CLCN3: variants seen among roughly 807,000 people sequenced by gnomAD.
The protein encoded by CLCN3 is Cl-/H+ antiporter 3, also known as H(+)/Cl(-) exchange transporter 3.
A neutral mutation model predicts 83.4 loss-of-function variants in CLCN3; 16 were observed. The ratio of observed to expected loss-of-function variants is 0.19; its 90% CI spans 0.13 to 0.29. The LOEUF is 0.29. Among genes scored for constraint, CLCN3 ranks in the 10% least tolerant of loss-of-function variants. The pLI is 1.00. For synonymous variants in CLCN3, 322 were observed against 346.2 expected, an observed-to-expected ratio of 0.93 and a Z score of 0.78; for missense variants, 544 against 1,006.0, an observed-to-expected ratio of 0.54 and a Z score of 6.21.
At chr4:169,649,444 T>C (rs947770890) in intron 2 of CLCN3, among the ~76,000 whole-genome samples, 7 of 152,148 alleles carry the variant, frequency 4.6e-5, no homozygotes, top group Admixed American at 3.9e-4. Flanking sequence ...GGTGAGAGTA[T>C]GGAGGTAAAT....
chr4:169,630,658 G>A (rs1773346423), intron 1 of CLCN3, among the ~76,000 whole-genome samples: 1 of 152,000 alleles, frequency 6.6e-6, no homozygotes, highest in Non-Finnish European at 1.5e-5. Flanking sequence ...AGCCTCCCGA[G>A]TAGCTGGAAT....
At chr4:169,716,708 A>T (rs1309703492) in intron 12 of CLCN3, among the ~76,000 whole-genome samples, 2 of 152,090 alleles carry the variant, frequency 1.3e-5, no homozygotes, top group Non-Finnish European at 2.9e-5. Context: ...CATTTCTGTC[A>T]TTCCCATTCT....
intron 6 of CLCN3, among the ~76,000 whole-genome samples, chr4:169,691,606 T>C (rs1264441862): frequency 6.6e-6 from 1 of 152,198 alleles, no homozygotes; most frequent in African/African-American, 2.4e-5. Flanking sequence ...ATCTTTAAGT[T>C]TGTATTAAGA....
intron 1 of CLCN3, among the ~76,000 whole-genome samples, chr4:169,624,466 A>C (rs1243930772): frequency 6.6e-6 from 1 of 152,036 alleles, no homozygotes; most frequent in East Asian, 1.9e-4. Flanking sequence ...ACAGGGTTTC[A>C]CCCTGTTGGC....
intron 1 of CLCN3, among the ~76,000 whole-genome samples, chr4:169,626,435 G>A (rs904377383): frequency 1.2e-4 from 18 of 152,220 alleles, no homozygotes; most frequent in African/African-American, 3.9e-4. Context: ...TGACCTAACA[G>A]CACTAATAGA....
At chr4:169,640,305 C>G (rs1200982025) in intron 2 of CLCN3, among the ~76,000 whole-genome samples, 2 of 152,198 alleles carry the variant, frequency 1.3e-5, no homozygotes, top group Non-Finnish European at 2.9e-5. Flanking sequence ...TCAAATATGA[C>G]ATCTGGATTA....
At chr4:169,667,912 A>AT (rs1215605339) in intron 2 of CLCN3, among the ~76,000 whole-genome samples, 2 of 150,114 alleles carry the variant, frequency 1.3e-5, no homozygotes, top group South Asian at 2.1e-4. Context: ...TGCCCGCCTG[A>AT]TTTTTTTTAG....
chr4:169,687,428 A>G (rs1415715729), intron 3 of CLCN3, among the ~76,000 whole-genome samples: 2 of 152,290 alleles, frequency 1.3e-5, no homozygotes, highest in Admixed American at 1.3e-4. Context: ...GAAAGAAAAA[A>G]AATTTTTTAA....
chr4:169,639,840 T>C (rs1451665106), intron 2 of CLCN3, among the ~76,000 whole-genome samples: 1 of 152,224 alleles, frequency 6.6e-6, no homozygotes, highest in Non-Finnish European at 1.5e-5. Flanking sequence ...TACCAGAAGG[T>C]ACTGATAGTG....
chr4:169,714,830 A>T (rs540569773), intron 12 of CLCN3, among the ~76,000 whole-genome samples: 6 of 152,244 alleles, frequency 3.9e-5, no homozygotes, highest in African/African-American at 1.4e-4. Flanking sequence ...AATAATTTAG[A>T]TACTGATTGG....
chr4:169,624,663 G>A (rs1773187811), intron 1 of CLCN3, among the ~76,000 whole-genome samples: 1 of 152,254 alleles, frequency 6.6e-6, no homozygotes, highest in East Asian at 1.9e-4. Context: ...AAGCTGTAGG[G>A]CCTATACAAA....
intron 11 of CLCN3, 82 bp from the exon 12 acceptor site, chr4:169,712,996 AT>A: frequency 3.7e-5 from 37 of 1,009,820 alleles, no homozygotes; most frequent in Middle Eastern, 2.1e-4. Context: ...GGATACATTA[AT>A]TTTTTTTATC....
At position 169,639,842 on chromosome 4, in the gene CLCN3, C is replaced by T. The variant is rs528845515; in HGVS notation, c.160+3754C>T. ...AAAAAATAACTATTACCAGAAGGTA[C>T]TGATAGTGTTTTTTTGAATATGTGT... On this transcript the variant is annotated intron_variant, in intron 2 of 12. Transcript: ENST00000513761. Among the ~76,000 whole-genome samples, 11 of 152,276 alleles carry T rather than the reference C, an allele frequency of 7.2e-5. No homozygotes were observed. The East Asian group carries it at 1.9e-3, about 27-fold the overall frequency.
At position 169,720,035 on chromosome 4, in the gene CLCN3, A is replaced by G; in HGVS notation, c.*38A>G. 1.9e-6 allele frequency: 3 copies of G among 1,613,244 alleles called. No individual in the cohort carries two copies. Among genetic ancestry groups the G allele is most frequent in the Non-Finnish European group, 2.5e-6 (3 of 1,179,592 alleles). ...AGGAGAGAGAAGAAACGGAAGAGGA[A>G]GTTTATTTGTTGAATAGCACAACTC... On this transcript the variant is annotated 3_prime_UTR_variant, in exon 13 of 13. Coordinates refer to ENST00000513761, the MANE Select transcript of CLCN3 (RefSeq NM_001829.4).
At chr4:169,630,692 G>T (rs1260848494) in intron 1 of CLCN3, among the ~76,000 whole-genome samples, 1 of 151,992 alleles carries the variant, frequency 6.6e-6, no homozygotes, top group South Asian at 2.1e-4. Flanking sequence ...CATCACTCCC[G>T]GCTAATTTTT....
rs745971835 is a variant in CLCN3 at position 169,720,074 on chromosome 4, A to C, written c.*77A>C. ...ATAGCACAACTCTTTAACCTGAGGG[A>C]GTCATCTACTTTTTTTTCCTCCTTT... On this transcript the variant is annotated 3_prime_UTR_variant, in exon 13 of 13. Transcript: ENST00000513761. The C allele has an allele frequency of 1.3e-6, 2 of 1,565,970 alleles. No homozygotes were observed. The highest frequency in any genetic ancestry group is 4.6e-5 in the East Asian group (2 of 43,764).
intron 2 of CLCN3, among the ~76,000 whole-genome samples, chr4:169,665,980 G>T (rs59129832): frequency 0.12 from 17,427 of 145,022 alleles, 1,094 homozygotes; most frequent in East Asian, 0.17. Context: ...AGGTTGTGTT[G>T]TTTTTTTTTT....
At chr4:169,633,246 A>G (rs1214988764) in intron 1 of CLCN3, among the ~76,000 whole-genome samples, 1 of 152,174 alleles carries the variant, frequency 6.6e-6, no homozygotes, top group Non-Finnish European at 1.5e-5. Context: ...CTTGACCTCA[A>G]GCGATCCAGC....
chr4:169,640,102 G>T (rs1730362530), intron 2 of CLCN3, among the ~76,000 whole-genome samples: 1 of 152,182 alleles, frequency 6.6e-6, no homozygotes. Flanking sequence ...AGAATCCTTA[G>T]CAGTGTGACT....
Sources: gnomAD v4.1 joint callset for allele counts (sites outside exome capture counted in the v4.1 genomes callset) on GRCh38, gnomAD v4.1.1 for gene constraint, MANE v1.5 for transcripts, NCBI Gene and HGNC (gene_info 2026-07-23, HGNC 2026-07-21) for gene names.